HAT1: variants seen among roughly 807,000 people sequenced by gnomAD.
The protein encoded by HAT1 is histone acetyltransferase 1.
In HAT1, 20 loss-of-function variants were observed where a neutral mutation model predicts 56.6. That is an observed-to-expected ratio of 0.35 (90% CI 0.25 to 0.51). HAT1 has a LOEUF of 0.51. HAT1 is among the 20% of genes least tolerant of loss of function. HAT1 has a pLI of 0.95. For missense variants in HAT1, 408 were observed against 504.3 expected (o/e 0.81, Z 1.83); for synonymous variants, 146 against 165.5 (o/e 0.88, Z 0.91).
At chr2:171,978,622 G>C (rs982357244) in intron 9 of HAT1, among the ~76,000 whole-genome samples, 1 of 151,986 alleles carries the variant, frequency 6.6e-6, no homozygotes, top group African/African-American at 2.4e-5. Context: ...TTGACCCCTT[G>C]GTCTTCTTGT....
At chr2:171,927,445 T>C (rs1459542722) in intron 2 of HAT1, among the ~76,000 whole-genome samples, 1 of 152,200 alleles carries the variant, frequency 6.6e-6, no homozygotes, top group African/African-American at 2.4e-5. Flanking sequence ...TCTGCGTATT[T>C]TTTTTACATG....
chr2:171,930,676 G>T (rs898261887), intron 2 of HAT1, among the ~76,000 whole-genome samples: 2 of 152,088 alleles, frequency 1.3e-5, no homozygotes, highest in Admixed American at 6.6e-5. Flanking sequence ...GTAGAGTGGC[G>T]TGATTGTGGC....
At chr2:171,950,520 T>C (rs1348467108) in intron 3 of HAT1, among the ~76,000 whole-genome samples, 7 of 151,978 alleles carry the variant, frequency 4.6e-5, no homozygotes, top group Admixed American at 4.6e-4. Context: ...TGCTTGTTTT[T>C]TGAGATGGAG....
chr2:171,942,923 T>A (rs1436545525), intron 2 of HAT1, among the ~76,000 whole-genome samples: 2 of 152,196 alleles, frequency 1.3e-5, no homozygotes, highest in African/African-American at 4.8e-5. Flanking sequence ...TTTCTCTATG[T>A]CTTTTTACCC....
intron 4 of HAT1, among the ~76,000 whole-genome samples, chr2:171,961,148 C>T (rs927807751): frequency 3.3e-5 from 5 of 151,900 alleles, no homozygotes; most frequent in Non-Finnish European, 7.4e-5. Context: ...TCTCAAAAAA[C>T]GAAAACAAAA....
intron 2 of HAT1, among the ~76,000 whole-genome samples, chr2:171,932,248 C>G (rs867828275): frequency 6.6e-6 from 1 of 151,914 alleles, no homozygotes; most frequent in Non-Finnish European, 1.5e-5. Context: ...TTTTTTCATA[C>G]GTCTTTGCTT....
chr2:171,929,797 T>C (rs1686692019), intron 2 of HAT1, among the ~76,000 whole-genome samples: 1 of 152,382 alleles, frequency 6.6e-6, no homozygotes, highest in African/African-American at 2.4e-5. Context: ...ATTCATTGTC[T>C]GTTTTTCTGT....
intron 3 of HAT1, among the ~76,000 whole-genome samples, chr2:171,951,964 C>T (rs767366054): frequency 4.6e-5 from 7 of 152,108 alleles, no homozygotes; most frequent in South Asian, 2.1e-4. Context: ...TCCGTATTTT[C>T]GTAGCCTAGA....
intron 8 of HAT1, among the ~76,000 whole-genome samples, chr2:171,975,347 C>T (rs185053133): frequency 7.0e-4 from 107 of 152,170 alleles, no homozygotes; most frequent in Non-Finnish European, 1.2e-3. Context: ...TCAGGTGATC[C>T]GCCCGCCTCA....
In HAT1 at chr2:171,951,750, A is replaced by G. The variant is rs536012085; in HGVS notation, c.189-1131A>G. 2.6e-5 allele frequency among the ~76,000 whole-genome samples: 4 copies of G among 152,104 alleles called. No homozygotes were observed. In the East Asian group the frequency reaches 5.8e-4, roughly 22 times the overall value. The stretch of plus-strand genomic sequence containing the variant: ...TGCCCAGACCAGTTAGTGCTTCTTA[A>G]TGGCATTTTGCACACTGTTTTGCGT... On this transcript the variant is annotated intron_variant, in intron 3 of 10. Coordinates refer to ENST00000264108, the MANE Select transcript of HAT1 (RefSeq NM_003642.4).
intron 2 of HAT1, among the ~76,000 whole-genome samples, chr2:171,944,515 C>T (rs1353789777): frequency 3.9e-5 from 6 of 152,176 alleles, no homozygotes; most frequent in Non-Finnish European, 7.3e-5. Flanking sequence ...GGTCCACTTA[C>T]ACATGGACTT....
In HAT1 at chr2:171,979,677, G is replaced by A. The variant is rs554046768; in HGVS notation, c.1092+314G>A. ...ACAAACATTAGCTAGGCTTGGTGGT[G>A]GGCGCCTGTAATACAGTGACTTGGG... On this transcript the variant is annotated intron_variant, in intron 10 of 10. Coordinates refer to ENST00000264108, the MANE Select transcript of HAT1 (RefSeq NM_003642.4). 1.8e-4 allele frequency: 36 copies of A among 201,348 alleles called. No homozygotes were observed. The South Asian group carries it at 2.9e-3, about 16-fold the overall frequency. The allele number at this position is 201,348 out of a possible 1,614,324, so 12.5% of individuals were successfully genotyped here.
chr2:171,948,638 G>A (rs1687230420), intron 3 of HAT1, among the ~76,000 whole-genome samples: 2 of 152,096 alleles, frequency 1.3e-5, no homozygotes, highest in African/African-American at 4.8e-5. Context: ...GAATCATATT[G>A]TATTTCGTTG....
At chr2:171,922,705 G>A (rs990166770) in intron 1 of HAT1, 198 bp downstream of exon 1, 6 of 413,208 alleles carry the variant, frequency 1.5e-5, no homozygotes, top group Non-Finnish European at 2.5e-5. Flanking sequence ...GCCCCCAACT[G>A]CTTGGGGTTC....
chr2:171,940,893 C>T (rs1687002721), intron 2 of HAT1, among the ~76,000 whole-genome samples: 1 of 152,104 alleles, frequency 6.6e-6, no homozygotes, highest in Non-Finnish European at 1.5e-5. Context: ...TTGGGTCTTT[C>T]CCCTTTTTCA....
At chr2:171,955,028 A>G (rs371845666) in intron 4 of HAT1, among the ~76,000 whole-genome samples, 2 of 152,336 alleles carry the variant, frequency 1.3e-5, no homozygotes, top group African/African-American at 4.8e-5. Flanking sequence ...TAGAGCTTCC[A>G]GAGGGAGTGT....
At chr2:171,977,541 ATATATATATATATATATTT>A (rs1688008681) in intron 9 of HAT1, among the ~76,000 whole-genome samples, 2 of 43,796 alleles carry the variant, frequency 4.6e-5, no homozygotes, top group Admixed American at 1.9e-4. Context: ...ATATATATAT[ATATATATATATATATATTT>A]TTTTTTTTTT....
At chr2:171,933,094 G>A (rs1686784629) in intron 2 of HAT1, among the ~76,000 whole-genome samples, 1 of 152,084 alleles carries the variant, frequency 6.6e-6, no homozygotes, top group South Asian at 2.1e-4. Flanking sequence ...GTCTTGCTCT[G>A]TTGCCGAGGC....
At chr2:171,975,107 T>C (rs1195859298) in intron 8 of HAT1, among the ~76,000 whole-genome samples, 1 of 151,374 alleles carries the variant, frequency 6.6e-6, no homozygotes, top group Non-Finnish European at 1.5e-5. Context: ...TCTTTCTTTT[T>C]TTTTTTTTTT....
Sources: allele counts gnomAD v4.1 joint callset (sites outside exome capture counted in the v4.1 genomes callset), GRCh38; gene constraint gnomAD v4.1.1; transcripts MANE v1.5; gene names NCBI Gene and HGNC (gene_info 2026-07-23, HGNC 2026-07-21).